Variants in RAB33B observed in about 807,000 individuals in gnomAD.
The protein encoded by RAB33B is ras-related protein Rab-33B.
A neutral mutation model predicts 15.0 loss-of-function variants in RAB33B; 6 were observed. The ratio of observed to expected loss-of-function variants is 0.40; its 90% CI spans 0.22 to 0.79. The LOEUF is 0.79. Among genes scored for constraint, RAB33B ranks in the 30% least tolerant of loss-of-function variants. The pLI is 0.37. For missense variants in RAB33B, 257 were observed against 296.4 expected, an observed-to-expected ratio of 0.87 and a Z score of 0.98; for synonymous variants, 117 against 108.3, an observed-to-expected ratio of 1.08 and a Z score of -0.50.
At chr4:139,456,230 G>C (rs1202336136) in intron 1 of RAB33B, among the ~76,000 whole-genome samples, 3 of 151,866 alleles carry the variant, frequency 2.0e-5, no homozygotes, top group Non-Finnish European at 4.4e-5. Flanking sequence ...GTTGAAAGCA[G>C]AGATAGTGGA....
the RAB33B span, among the ~76,000 whole-genome samples, chr4:139,439,560 T>C: frequency 3.3e-5 from 5 of 152,242 alleles, no homozygotes; most frequent in African/African-American, 1.2e-4. Context: ...TTCATATTCA[T>C]GTTTTTCATC....
At chr4:139,452,940 CAAAA>C (rs998455064), upstream of RAB33B, 4 of 152,184 alleles carry the variant, frequency 2.6e-5, no homozygotes, top group African/African-American at 9.7e-5. Flanking sequence ...CACTGCAAAA[CAAAA>C]CAAACTTTTA....
chr4:139,455,246 G>A (rs568259082), intron 1 of RAB33B, among the ~76,000 whole-genome samples: 1 of 152,328 alleles, frequency 6.6e-6, no homozygotes, highest in South Asian at 2.1e-4. Context: ...ACAAGGCTTA[G>A]GCCTCTTGAT....
upstream of RAB33B, chr4:139,450,081 T>C (rs1749891461): frequency 6.6e-6 from 1 of 152,236 alleles, no homozygotes; most frequent in Non-Finnish European, 1.5e-5. Context: ...AGATAAAGTA[T>C]AAATTCCTCA....
chr4:139,453,692 C>G (rs1749991607), upstream of RAB33B: 1 of 152,646 alleles, frequency 6.6e-6, no homozygotes. Context: ...TACCGTTGCT[C>G]TCCAGGTACA....
chr4:139,472,002 C>T (rs1750401480), intron 1 of RAB33B, among the ~76,000 whole-genome samples: 1 of 152,114 alleles, frequency 6.6e-6, no homozygotes, highest in Admixed American at 6.5e-5. Context: ...TGTTAAAAAT[C>T]AGTTGACCAT....
chr4:139,474,622 C>T lies in RAB33B; in HGVS notation c.*1496C>T, dbSNP rs992802831. ...TCTAAATTTTATGGTCACAAGTTAT[C>T]CCTCCTCAGTATGAAAAATAAATTA... is the stretch of plus-strand genomic sequence containing the variant. On this transcript the variant is annotated 3_prime_UTR_variant, in exon 2 of 2. Coordinates refer to ENST00000305626, the MANE Select transcript of RAB33B (RefSeq NM_031296.3). 1 of 152,570 alleles carries T rather than the reference C, an allele frequency of 6.6e-6. No individual in the cohort carries two copies. The highest frequency in any genetic ancestry group is 1.5e-5 in the Non-Finnish European group (1 of 68,036). 9.5% of individuals were successfully genotyped at this position (152,570 alleles called of 1,614,324 possible). A position where few individuals can be genotyped will look rare whatever the true frequency, so the allele number is the denominator to read the frequency against.
upstream of RAB33B, chr4:139,450,901 A>C (rs1355162023): frequency 7.8e-6 from 1 of 128,920 alleles, no homozygotes; most frequent in Non-Finnish European, 1.7e-5. Context: ...TCTGTTTTCT[A>C]CTTTTTTTTT....
At chr4:139,466,057 C>G (rs1750278276) in intron 1 of RAB33B, among the ~76,000 whole-genome samples, 1 of 152,164 alleles carries the variant, frequency 6.6e-6, no homozygotes, top group South Asian at 2.1e-4. Context: ...GCTGTCCAAG[C>G]TGGTTTCAAA....
chr4:139,438,983 T>G, the RAB33B span, among the ~76,000 whole-genome samples: 4 of 152,170 alleles, frequency 2.6e-5, no homozygotes, highest in Non-Finnish European at 4.4e-5. Flanking sequence ...CTACTTCAAT[T>G]TCGAAGGACA....
intron 1 of RAB33B, among the ~76,000 whole-genome samples, chr4:139,457,234 A>G (rs1008914436): frequency 3.9e-5 from 6 of 152,256 alleles, no homozygotes; most frequent in African/African-American, 7.2e-5. Flanking sequence ...CAGGTAGTTG[A>G]AAGAGGAAAA....
At chr4:139,463,336 A>G (rs1238131183) in intron 1 of RAB33B, among the ~76,000 whole-genome samples, 1 of 152,094 alleles carries the variant, frequency 6.6e-6, no homozygotes, top group Non-Finnish European at 1.5e-5. Flanking sequence ...GGGTTTCACC[A>G]TGTTGGCCAG....
intron 1 of RAB33B, among the ~76,000 whole-genome samples, chr4:139,469,561 T>C (rs775027851): frequency 6.6e-6 from 1 of 152,226 alleles, no homozygotes; most frequent in Non-Finnish European, 1.5e-5. Flanking sequence ...CTAACAGATA[T>C]TCTTCTGTGT....
chr4:139,472,715 A>G lies in RAB33B; in HGVS notation c.279A>G (p.Glu93=). Residue 93 remains glutamate (E), a synonymous_variant, in exon 2 of 2, where the codon GAA becomes GAG. Coordinates refer to ENST00000305626, the MANE Select transcript of RAB33B (RefSeq NM_031296.3). ...KIQLWDTAGQ[E]RFRKSMVQHY... is the part of the protein sequence containing the mutation. ...AGCTATGGGACACAGCAGGACAAGAACGATTCAGAAAGAGCATGGTTCAGC... is the reference window on the plus strand; with the variant it reads ...AGCTATGGGACACAGCAGGACAAGAGCGATTCAGAAAGAGCATGGTTCAGC... The G allele has an allele frequency of 1.9e-6, 3 of 1,607,798 alleles. No individual in the cohort carries two copies. Among genetic ancestry groups the G allele is most frequent in the Non-Finnish European group, 2.6e-6 (3 of 1,174,586 alleles).
chr4:139,439,307 G>A, the RAB33B span, among the ~76,000 whole-genome samples: 17 of 152,294 alleles, frequency 1.1e-4, no homozygotes, highest in East Asian at 1.5e-3. Flanking sequence ...GCCAGATATG[G>A]AATTCTTGAT....
At chr4:139,471,664 C>A (rs1264274774) in intron 1 of RAB33B, among the ~76,000 whole-genome samples, 1 of 152,124 alleles carries the variant, frequency 6.6e-6, no homozygotes, top group East Asian at 1.9e-4. Context: ...GTCTTAAACT[C>A]CTGGGTTCAA....
chr4:139,447,181 T>C, the RAB33B span, among the ~76,000 whole-genome samples: 1 of 152,192 alleles, frequency 6.6e-6, no homozygotes, highest in African/African-American at 2.4e-5. Flanking sequence ...TCTTACCATG[T>C]TCCCCCGTCA....
chr4:139,442,244 T>C, the RAB33B span, among the ~76,000 whole-genome samples: 1 of 152,260 alleles, frequency 6.6e-6, no homozygotes, highest in Non-Finnish European at 1.5e-5. Flanking sequence ...GCAACTTCTC[T>C]ATCTGCAAGT....
chr4:139,457,290 A>G (rs1468487984), intron 1 of RAB33B, among the ~76,000 whole-genome samples: 1 of 152,250 alleles, frequency 6.6e-6, no homozygotes, highest in Non-Finnish European at 1.5e-5. Flanking sequence ...ATAAAATTAA[A>G]TTCCTTAAAT....
Sources: allele counts gnomAD v4.1 joint callset (sites outside exome capture counted in the v4.1 genomes callset), GRCh38; gene constraint gnomAD v4.1.1; transcripts MANE v1.5; gene names NCBI Gene and HGNC (gene_info 2026-07-23, HGNC 2026-07-21).